The following RAP1GAP2 variants were observed in gnomAD, a reference collection of about 807,000 sequenced individuals.
The protein encoded by RAP1GAP2 is RAP1 GTPase activating protein 2, also known as rap1 GTPase-activating protein 2.
RAP1GAP2 carries 27 observed loss-of-function variants against 95.0 expected under a neutral mutation model. The ratio of observed to expected loss-of-function variants is 0.28; its 90% CI spans 0.21 to 0.39. The LOEUF is 0.39. Ranked by LOEUF, RAP1GAP2 falls within the 10% of genes least tolerant of loss-of-function variation. The probability of loss-of-function intolerance (pLI) is 1.00; values close to 1 mark genes in which losing one functional copy is unlikely to be tolerated. For missense variants in RAP1GAP2, 771 were observed against 970.0 expected (o/e 0.79, Z 2.72); for synonymous variants, 373 against 380.9 (o/e 0.98, Z 0.24).
intron 12 of RAP1GAP2, among the ~76,000 whole-genome samples, chr17:2,993,665 T>C (rs1368800055): frequency 6.6e-6 from 1 of 152,160 alleles, no homozygotes; most frequent in Non-Finnish European, 1.5e-5. Flanking sequence ...TAGTCACGAT[T>C]GTTATTGTTC....
At chr17:2,875,532 G>A (rs1396427338) in intron 2 of RAP1GAP2, among the ~76,000 whole-genome samples, 1 of 152,130 alleles carries the variant, frequency 6.6e-6, no homozygotes, top group Non-Finnish European at 1.5e-5. Context: ...TTAGTTTAGG[G>A]CTCATGTAGC....
chr17:2,965,498 G>A lies in RAP1GAP2; in HGVS notation c.493-42G>A, dbSNP rs1309965352. ...GGTTTAGGGGGAACATACCTGGAAGGTTTCTTCCTCCTTCCTGCTCACACT... is the reference window on the plus strand; with the variant it reads ...GGTTTAGGGGGAACATACCTGGAAGATTTCTTCCTCCTTCCTGCTCACACT... On this transcript the variant is annotated intron_variant, in intron 7 of 24. Coordinates refer to ENST00000254695, the MANE Select transcript of RAP1GAP2 (RefSeq NM_015085.5). The surrounding 1 kb of genome is among the most constrained non-coding windows in gnomAD (Gnocchi z 4.7). 3 of 1,502,008 alleles carry A rather than the reference G, an allele frequency of 2.0e-6. No homozygotes were observed. In the South Asian group the frequency reaches 3.6e-5, roughly 18 times the overall value. The allele number at this position is 1,502,008 out of a possible 1,614,324, so 93.0% of individuals were successfully genotyped here.
Position 2,918,305 on chromosome 17 carries a change from C to T in RAP1GAP2, c.165+12937C>T, listed in dbSNP as rs951599792. ...AAAATTAGTTGGGCATGGTGGCGAG[C>T]GCCTATAATCCCAGCTATTTGGGAG... On this transcript the variant is annotated intron_variant, in intron 3 of 24. Transcript: ENST00000254695. Among the ~76,000 whole-genome samples, 11 of 151,858 alleles carry T rather than the reference C, an allele frequency of 7.2e-5. No individual in the cohort carries two copies. In the East Asian group the frequency reaches 9.7e-4, roughly 13 times the overall value.
chr17:2,846,839 C>T (rs1200345984), intron 2 of RAP1GAP2, among the ~76,000 whole-genome samples: 1 of 152,172 alleles, frequency 6.6e-6, no homozygotes, highest in African/African-American at 2.4e-5. Context: ...AGTGTCTTTG[C>T]ACCACAGCTG....
At chr17:2,846,554 G>T (rs1247753049) in intron 2 of RAP1GAP2, among the ~76,000 whole-genome samples, 1 of 152,062 alleles carries the variant, frequency 6.6e-6, no homozygotes, top group East Asian at 1.9e-4. Flanking sequence ...GGGATTACAG[G>T]CATGAGCCAC....
At chr17:2,901,019 G>A (rs1212338944) in intron 2 of RAP1GAP2, among the ~76,000 whole-genome samples, 2 of 152,212 alleles carry the variant, frequency 1.3e-5, no homozygotes, top group Non-Finnish European at 2.9e-5. Flanking sequence ...CAGGGGCTCC[G>A]CCAGGGGTCT....
intron 2 of RAP1GAP2, among the ~76,000 whole-genome samples, chr17:2,836,035 C>T (rs2071112113): frequency 1.3e-5 from 2 of 151,756 alleles, no homozygotes; most frequent in Non-Finnish European, 2.9e-5. Context: ...CTGGCACTGG[C>T]GGGGTGTGTT....
intron 2 of RAP1GAP2, among the ~76,000 whole-genome samples, chr17:2,834,760 G>A (rs987667036): frequency 6.6e-6 from 1 of 152,006 alleles, no homozygotes; most frequent in Non-Finnish European, 1.5e-5. Context: ...TCTCATCACT[G>A]TACTCCAGCC....
rs1206256635 is a variant in RAP1GAP2 at position 2,963,659 on chromosome 17, C to T, written c.279+197C>T. On this transcript the variant is annotated intron_variant, in intron 6 of 24. Coordinates refer to ENST00000254695, the MANE Select transcript of RAP1GAP2 (RefSeq NM_015085.5). The surrounding 1 kb of genome is among the most constrained non-coding windows in gnomAD (Gnocchi z 4.8). ...GGGGTGCTCATCTAGGCCTTTCAGC[C>T]CTGGGGCTACAGGGTTGGCGAATGA... Among the ~76,000 whole-genome samples the T allele has an allele frequency of 6.6e-6, 1 of 152,152 alleles. No individual in the cohort carries two copies. The highest frequency in any genetic ancestry group is 1.5e-5 in the Non-Finnish European group (1 of 68,024).
intron 1 of RAP1GAP2, among the ~76,000 whole-genome samples, chr17:2,768,229 T>C (rs975012698): frequency 3.3e-5 from 5 of 152,196 alleles, no homozygotes; most frequent in Admixed American, 1.3e-4. Context: ...CAGACAGATG[T>C]TGTCAGGTTG....
rs933808237 is a variant in RAP1GAP2 at position 3,034,420 on chromosome 17, C to T, written c.*1059C>T. 5 of 225,384 alleles carry T rather than the reference C, an allele frequency of 2.2e-5. No homozygotes were observed. The highest frequency in any genetic ancestry group is 3.7e-5 in the Non-Finnish European group (4 of 108,302). 14.0% of individuals were successfully genotyped at this position (225,384 alleles called of 1,614,324 possible). ...AGAGAGGTGAGGGGGGGATGACTTG[C>T]GGGTTCTGATCAGGCCCCTGGGTGG... On this transcript the variant is annotated 3_prime_UTR_variant, in exon 25 of 25. Transcript: ENST00000254695. This position sits in a 1 kb window ranked among gnomAD's most constrained non-coding sequence, Gnocchi z 5.1.
At chr17:2,961,876 C>T (rs375005513) in intron 4 of RAP1GAP2, among the ~76,000 whole-genome samples, 168 of 148,152 alleles carry the variant, frequency 1.1e-3, no homozygotes, top group African/African-American at 4.1e-3. Flanking sequence ...CTTACTGGCT[C>T]TGTGACCCTA....
At chr17:2,875,030 G>A (rs974536950) in intron 2 of RAP1GAP2, among the ~76,000 whole-genome samples, 1 of 152,184 alleles carries the variant, frequency 6.6e-6, no homozygotes, top group Non-Finnish European at 1.5e-5. Flanking sequence ...TTACCTTGGG[G>A]ACGGCGCCCT....
chr17:2,916,905 C>T (rs1280181437), intron 3 of RAP1GAP2, among the ~76,000 whole-genome samples: 1 of 152,224 alleles, frequency 6.6e-6, no homozygotes, highest in African/African-American at 2.4e-5. Context: ...CTGGAGGCCC[C>T]AGAGCGGAGC....
chr17:2,820,544 C>T (rs966373714), intron 2 of RAP1GAP2, among the ~76,000 whole-genome samples: 1 of 148,758 alleles, frequency 6.7e-6, no homozygotes, highest in East Asian at 2.1e-4. Flanking sequence ...CACTTGAAGA[C>T]GGGAGGCAGA....
At chr17:2,834,248 G>A (rs562063412) in intron 2 of RAP1GAP2, among the ~76,000 whole-genome samples, 10 of 152,290 alleles carry the variant, frequency 6.6e-5, no homozygotes, top group African/African-American at 1.7e-4. Context: ...TAAGATGTAA[G>A]TTCTGCCCTG....
intron 1 of RAP1GAP2, among the ~76,000 whole-genome samples, chr17:2,759,219 G>A (rs543601387): frequency 6.6e-6 from 1 of 152,236 alleles, no homozygotes; most frequent in Admixed American, 6.6e-5. Flanking sequence ...AAGCATTGTG[G>A]CAAAGAACAT....
In RAP1GAP2 at chr17:2,866,479, A is replaced by G. The variant is rs899925934; in HGVS notation, c.81-38805A>G. Among the ~76,000 whole-genome samples, 3 of 152,206 alleles carry G rather than the reference A, an allele frequency of 2.0e-5. No individual in the cohort carries two copies. The highest frequency in any genetic ancestry group is 4.4e-5 in the Non-Finnish European group (3 of 68,040). ...GTTATACATGAAACAATTCTGTAAC[A>G]TTTGTGTTATTGTGATTTTTATTAA... On this transcript the variant is annotated intron_variant, in intron 2 of 24. Coordinates refer to ENST00000254695, the MANE Select transcript of RAP1GAP2 (RefSeq NM_015085.5). The surrounding 1 kb of genome is among the most constrained non-coding windows in gnomAD (Gnocchi z 4.0).
At chr17:2,956,772 G>GT (rs2044122204) in intron 3 of RAP1GAP2, among the ~76,000 whole-genome samples, 1 of 152,058 alleles carries the variant, frequency 6.6e-6, no homozygotes, top group Non-Finnish European at 1.5e-5. Flanking sequence ...GTTTTTCCTG[G>GT]ATACACAAGG....
Sources: gnomAD v4.1 joint callset for allele counts (sites outside exome capture counted in the v4.1 genomes callset) on GRCh38, gnomAD v4.1.1 for gene constraint, Gnocchi (gnomAD v3.1) non-coding constraint, MANE v1.5 for transcripts, NCBI Gene and HGNC (gene_info 2026-07-23, HGNC 2026-07-21) for gene names.